The following USH2A variants were observed in gnomAD, a reference collection of about 807,000 sequenced individuals.
USH2A encodes the protein usherin.
In USH2A, 443 loss-of-function variants were observed where a neutral mutation model predicts 538.9. The observed-to-expected ratio is 0.82, with a 90% CI of 0.76 to 0.89. USH2A has a LOEUF of 0.89. Among genes scored for constraint, USH2A ranks in the 40% least tolerant of loss-of-function variants. USH2A has a pLI of 0.00. For synonymous variants in USH2A, 2,413 were observed against 2,273.5 expected, an observed-to-expected ratio of 1.06 and a Z score of -1.75; for missense variants, 6,633 against 6,324.8, an observed-to-expected ratio of 1.05 and a Z score of -1.65.
chr1:216,140,442 T>C (rs570116848), intron 21 of USH2A, among the ~76,000 whole-genome samples: 8 of 152,212 alleles, frequency 5.3e-5, no homozygotes, highest in African/African-American at 1.9e-4. Context: ...TGGTAATTTA[T>C]TGTTTTCAAT....
intron 58 of USH2A, among the ~76,000 whole-genome samples, chr1:215,754,509 C>CA (rs758606960): frequency 0.031 from 4,504 of 143,508 alleles, 78 homozygotes; most frequent in African/African-American, 0.048. Flanking sequence ...ACACTGACCA[C>CA]AAAAAAAAAA....
In USH2A at chr1:216,367,466, G is replaced by T. The variant is rs150648379; in HGVS notation, c.652-2381C>A. Among the ~76,000 whole-genome samples the T allele has an allele frequency of 2.9e-3, 440 of 152,266 alleles. 3 individuals are homozygous for T. The highest frequency in any genetic ancestry group is 0.01 in the African/African-American group (417 of 41,570). On this transcript the variant is annotated intron_variant, in intron 3 of 71. Transcript: ENST00000307340. ...TTAAGTGCACCTTTATTTTGAGTCAGATAGAAAGCATGTTTTTGATTTTCT... is the reference window on the plus strand; with the variant it reads ...TTAAGTGCACCTTTATTTTGAGTCATATAGAAAGCATGTTTTTGATTTTCT...
intron 43 of USH2A, among the ~76,000 whole-genome samples, chr1:215,876,562 G>A (rs752164176): frequency 3.3e-5 from 5 of 152,142 alleles, no homozygotes; most frequent in Non-Finnish European, 7.4e-5. Flanking sequence ...ACAGAGTCAC[G>A]AAGACCGCAC....
intron 32 of USH2A, among the ~76,000 whole-genome samples, chr1:216,029,133 A>C (rs1669034015): frequency 6.6e-6 from 1 of 152,042 alleles, no homozygotes; most frequent in Non-Finnish European, 1.5e-5. Flanking sequence ...TCATGGTACG[A>C]TAGCCAAAAT....
At chr1:215,947,144 T>C (rs1666780106) in intron 37 of USH2A, among the ~76,000 whole-genome samples, 1 of 151,886 alleles carries the variant, frequency 6.6e-6, no homozygotes, top group African/African-American at 2.4e-5. Context: ...CACGTTCAAG[T>C]GATTCTCCCA....
At chr1:216,270,429 T>C (rs1188830080) in intron 11 of USH2A, among the ~76,000 whole-genome samples, 1 of 152,188 alleles carries the variant, frequency 6.6e-6, no homozygotes, top group Non-Finnish European at 1.5e-5. Flanking sequence ...TTCTTTTCTT[T>C]CCTAGAGAAC....
intron 32 of USH2A, among the ~76,000 whole-genome samples, chr1:216,017,974 A>G (rs558733900): frequency 1.3e-5 from 2 of 152,258 alleles, no homozygotes; most frequent in East Asian, 1.9e-4. Flanking sequence ...CTTTTTTGGC[A>G]TAGTCTCATG....
chr1:216,376,601 T>C (rs922535971), intron 3 of USH2A, among the ~76,000 whole-genome samples: 4 of 152,176 alleles, frequency 2.6e-5, no homozygotes, highest in African/African-American at 9.7e-5. Context: ...ATCACAGTAA[T>C]ACAGTTACAT....
chr1:216,157,578 A>G (rs1311098918), intron 21 of USH2A, among the ~76,000 whole-genome samples: 1 of 152,242 alleles, frequency 6.6e-6, no homozygotes, highest in Non-Finnish European at 1.5e-5. Flanking sequence ...GTGCCCATCA[A>G]TGATGGACTG....
intron 41 of USH2A, chr1:215,886,720 T>A (rs1665066258): frequency 6.6e-6 from 1 of 152,200 alleles, no homozygotes; most frequent in African/African-American, 2.4e-5. Flanking sequence ...TGTATATTGT[T>A]TAATTCATGG....
At chr1:215,875,762 A>C (rs1035358436) in intron 43 of USH2A, among the ~76,000 whole-genome samples, 1 of 151,138 alleles carries the variant, frequency 6.6e-6, no homozygotes, top group South Asian at 2.1e-4. Flanking sequence ...ATATTTAAGC[A>C]CTTAAGAGTT....
Position 215,878,799 on chromosome 1 carries a change from C to G in USH2A, c.8523G>C (p.Trp2841Cys). 6.2e-7 allele frequency: 1 copy of G among 1,613,962 alleles called. No individual in the cohort carries two copies. Among genetic ancestry groups the G allele is most frequent in the Non-Finnish European group, 8.5e-7 (1 of 1,179,940 alleles). Residue 2841 changes from tryptophan (W) to cysteine (C), a missense_variant, in exon 42 of 72, where the codon TGG becomes TGC. By Grantham distance (215) the Trp-to-Cys change is radical. Transcript: ENST00000307340. ...PLSESYVVISWQPPSKPNGPN... is the reference protein window; with the variant it reads ...PLSESYVVISCQPPSKPNGPN... ...GTCCATTTGGCTTGGATGGTGGTTGCCAAGAAATCACAACATATGATTCAC... is the reference window on the plus strand; with the variant it reads ...GTCCATTTGGCTTGGATGGTGGTTGGCAAGAAATCACAACATATGATTCAC...
intron 19 of USH2A, 119 bp from the exon 20 acceptor site, chr1:216,190,486 A>C: frequency 7.6e-7 from 1 of 1,309,340 alleles, no homozygotes; most frequent in Non-Finnish European, 1.0e-6. Flanking sequence ...GCCAACCACC[A>C]TTAGGAAAAG....
intron 44 of USH2A, among the ~76,000 whole-genome samples, chr1:215,847,280 A>G (rs1156971986): frequency 6.6e-6 from 1 of 152,164 alleles, no homozygotes; most frequent in Non-Finnish European, 1.5e-5. Flanking sequence ...TTAAGCAGAA[A>G]CGATTACCTT....
At chr1:215,986,087 G>A (rs1667866341) in intron 35 of USH2A, among the ~76,000 whole-genome samples, 1 of 151,972 alleles carries the variant, frequency 6.6e-6, no homozygotes, top group Non-Finnish European at 1.5e-5. Context: ...GCTAGACCAT[G>A]TCTAATGGGT....
intron 44 of USH2A, among the ~76,000 whole-genome samples, chr1:215,860,935 A>G (rs1664297626): frequency 6.6e-6 from 1 of 152,172 alleles, no homozygotes; most frequent in African/African-American, 2.4e-5. Flanking sequence ...TTAGAGTCCA[A>G]TTTTCCAAGT....
intron 3 of USH2A, among the ~76,000 whole-genome samples, chr1:216,406,450 G>C (rs746100966): frequency 6.6e-6 from 1 of 152,162 alleles, no homozygotes; most frequent in Non-Finnish European, 1.5e-5. Context: ...GACTCATTAA[G>C]TTGCATACAT....
chr1:215,655,177 A>C (rs1386186641), intron 64 of USH2A, among the ~76,000 whole-genome samples: 3 of 152,210 alleles, frequency 2.0e-5, no homozygotes, highest in African/African-American at 7.2e-5. Context: ...TATTTGAAAA[A>C]TACAAAGGCC....
At chr1:216,201,001 C>CTCCCTCCCTCCA (rs2034981024) in intron 16 of USH2A, among the ~76,000 whole-genome samples, 1 of 108,960 alleles carries the variant, frequency 9.2e-6, no homozygotes, top group Non-Finnish European at 1.9e-5. Flanking sequence ...CCCTCCCTCC[C>CTCCCTCCCTCCA]TCCCTCCCTC....
Sources: allele counts gnomAD v4.1 joint callset (sites outside exome capture counted in the v4.1 genomes callset), GRCh38; gene constraint gnomAD v4.1.1; transcripts MANE v1.5; gene names NCBI Gene and HGNC (gene_info 2026-07-23, HGNC 2026-07-21).